MACF1: variants seen among roughly 807,000 people sequenced by gnomAD.
The protein encoded by MACF1 is microtubule-actin cross-linking factor 1.
A neutral mutation model predicts 854.8 loss-of-function variants in MACF1; 193 were observed. The observed-to-expected ratio is 0.23, with a 90% confidence interval of 0.20 to 0.25. The LOEUF (loss-of-function observed/expected upper bound fraction) is 0.25, where lower values mean the gene tolerates loss of function less well. MACF1 is among the 10% of genes least tolerant of loss of function. The pLI is 1.00. For synonymous variants in MACF1, 3,185 were observed against 3,226.7 expected, an observed-to-expected ratio of 0.99 and a Z score of 0.44; for missense variants, 7,722 against 8,929.1, an observed-to-expected ratio of 0.86 and a Z score of 5.45.
chr1:39,315,432 T>C, intron 26 of MACF1, 81 bp from the exon 27 acceptor site: 3 of 1,309,788 alleles, frequency 2.3e-6, no homozygotes, highest in Non-Finnish European at 3.2e-6. Flanking sequence ...TTCCAATATT[T>C]AGCTATTACA....
intron 2 of MACF1, among the ~76,000 whole-genome samples, chr1:39,124,747 T>C (rs1642816956): frequency 1.3e-5 from 2 of 152,244 alleles, no homozygotes; most frequent in Admixed American, 1.3e-4. Flanking sequence ...GCATAATTTT[T>C]ATGTACTTTA....
intron 31 of MACF1, among the ~76,000 whole-genome samples, chr1:39,322,215 C>T (rs1646527719): frequency 6.6e-6 from 1 of 152,226 alleles, no homozygotes; most frequent in Non-Finnish European, 1.5e-5. Flanking sequence ...CAGACTGCAA[C>T]TAAGGCGTGA....
chr1:39,374,220 C>A (rs1018305724), intron 52 of MACF1, among the ~76,000 whole-genome samples: 1 of 152,082 alleles, frequency 6.6e-6, no homozygotes, highest in African/African-American at 2.4e-5. Flanking sequence ...CCAGCCTGTG[C>A]GACAGGGCGA....
chr1:39,316,584 T>C, intron 28 of MACF1, 55 bp downstream of exon 28: 1 of 1,545,482 alleles, frequency 6.5e-7, no homozygotes, highest in Non-Finnish European at 8.8e-7. Flanking sequence ...TTGCTTTGGG[T>C]TAGCAGAGAA....
chr1:39,414,621 C>A, intron 58 of MACF1: 1 of 1,286,250 alleles, frequency 7.8e-7, no homozygotes, highest in South Asian at 1.6e-5. Flanking sequence ...TCTTTCTGTT[C>A]AGTTTTTGGG....
chr1:39,102,983 A>T, intron 2 of MACF1: 1 of 700,838 alleles, frequency 1.4e-6, no homozygotes, highest in Non-Finnish European at 2.6e-6. Flanking sequence ...TCAGCCAAAC[A>T]TGTGGACTTC....
chr1:39,232,765 T>TTTTTTG (rs1571202426), intron 2 of MACF1, among the ~76,000 whole-genome samples: 1 of 138,174 alleles, frequency 7.2e-6, no homozygotes, highest in African/African-American at 2.7e-5. Flanking sequence ...TTTTTTTTTT[T>TTTTTTG]TTTGTTTGTT....
At chr1:39,096,513 C>T (rs1321032460) in intron 2 of MACF1, among the ~76,000 whole-genome samples, 8 of 151,340 alleles carry the variant, frequency 5.3e-5, no homozygotes, top group Admixed American at 4.6e-4. Flanking sequence ...TCACTTGAAC[C>T]GGGAGGCAGA....
chr1:39,469,669 C>G, intron 97 of MACF1, 54 bp downstream of exon 97: 4 of 1,367,736 alleles, frequency 2.9e-6, no homozygotes, highest in Non-Finnish European at 4.1e-6. Flanking sequence ...TTGAGAATGG[C>G]TTTGCTTCTT....
chr1:39,303,725 G>C (rs939081874), intron 23 of MACF1, among the ~76,000 whole-genome samples: 1 of 151,328 alleles, frequency 6.6e-6, no homozygotes, highest in Non-Finnish European at 1.5e-5. Context: ...TTTGCCGGGC[G>C]TGATGGCAGG....
intron 26 of MACF1, among the ~76,000 whole-genome samples, chr1:39,312,013 G>A (rs1238414270): frequency 2.0e-5 from 3 of 152,168 alleles, no homozygotes; most frequent in Non-Finnish European, 4.4e-5. Flanking sequence ...ATGAGCCTGG[G>A]AATTCTCATG....
intron 2 of MACF1, among the ~76,000 whole-genome samples, chr1:39,191,905 C>A (rs768843293): frequency 2.6e-5 from 4 of 152,168 alleles, no homozygotes; most frequent in Admixed American, 6.6e-5. Flanking sequence ...GCTCCCAGCA[C>A]TTTGGGAGGC....
intron 26 of MACF1, among the ~76,000 whole-genome samples, chr1:39,313,303 A>G (rs1646340236): frequency 6.6e-6 from 1 of 152,176 alleles, no homozygotes; most frequent in East Asian, 1.9e-4. Context: ...TTCCCTTTGT[A>G]ATTACTGAGT....
chr1:39,429,354 C>T (rs1401019596), intron 64 of MACF1, 28 bp downstream of exon 64: 7 of 1,269,284 alleles, frequency 5.5e-6, no homozygotes, highest in African/African-American at 3.0e-5. Context: ...TCTCTTAGCA[C>T]CCCTATGGTC....
chr1:39,342,670 C>G (rs1316030203), intron 40 of MACF1, among the ~76,000 whole-genome samples: 1 of 151,864 alleles, frequency 6.6e-6, no homozygotes, highest in African/African-American at 2.4e-5. Context: ...AGGCACCCAC[C>G]ACCATGCCAG....
chr1:39,463,788 T>G, intron 94 of MACF1, 102 bp downstream of exon 94: 2 of 996,538 alleles, frequency 2.0e-6, no homozygotes, highest in South Asian at 2.7e-5. Flanking sequence ...CCATCGGACT[T>G]GAGATGTGGT....
chr1:39,262,257 C>T (rs971228385), intron 6 of MACF1, among the ~76,000 whole-genome samples: 2 of 151,936 alleles, frequency 1.3e-5, no homozygotes, highest in African/African-American at 4.8e-5. Context: ...CAAAAATTAG[C>T]CAGGTGTGTT....
intron 1 of MACF1, among the ~76,000 whole-genome samples, chr1:39,209,300 G>A (rs6680962): frequency 2.6e-5 from 4 of 152,082 alleles, no homozygotes; most frequent in Non-Finnish European, 5.9e-5. Flanking sequence ...CAGGAACCAT[G>A]CCCTGTTCAT....
intron 30 of MACF1, among the ~76,000 whole-genome samples, chr1:39,319,317 G>T (rs1571328401): frequency 6.6e-6 from 1 of 152,180 alleles, no homozygotes; most frequent in African/African-American, 2.4e-5. Context: ...TGTTAGGAAT[G>T]CAAGTTCTTG....
Sources: gnomAD v4.1 joint callset for allele counts (sites outside exome capture counted in the v4.1 genomes callset) on GRCh38, gnomAD v4.1.1 for gene constraint, MANE v1.5 for transcripts, NCBI Gene and HGNC (gene_info 2026-07-23, HGNC 2026-07-21) for gene names.